HLCS: variants seen among roughly 807,000 people sequenced by gnomAD.
The protein encoded by HLCS is holocarboxylase synthetase.
A neutral mutation model predicts 75.0 loss-of-function variants in HLCS; 53 were observed. The ratio of observed to expected loss-of-function variants is 0.71; its 90% CI spans 0.57 to 0.89. The LOEUF is 0.89. Ranked by LOEUF, HLCS falls within the 40% of genes least tolerant of loss-of-function variation. The pLI is 0.00. For missense variants in HLCS, 966 were observed against 1,074.0 expected (o/e 0.90, Z 1.41); for synonymous variants, 431 against 428.6 (o/e 1.01, Z -0.07).
At chr21:36,816,408 A>AT (rs2061665878) in intron 6 of HLCS, among the ~76,000 whole-genome samples, 1 of 151,860 alleles carries the variant, frequency 6.6e-6, no homozygotes, top group Non-Finnish European at 1.5e-5. Flanking sequence ...AAAAAAAAAA[A>AT]ATGTGACTGT....
At chr21:36,911,176 G>A (rs573318382) in intron 5 of HLCS, among the ~76,000 whole-genome samples, 8 of 152,192 alleles carry the variant, frequency 5.3e-5, no homozygotes, top group Non-Finnish European at 8.8e-5. Context: ...CAGCCAAGTA[G>A]CCACCCTCAT....
At chr21:36,795,742 T>C (rs1167361341) in intron 6 of HLCS, among the ~76,000 whole-genome samples, 2 of 152,222 alleles carry the variant, frequency 1.3e-5, no homozygotes, top group Non-Finnish European at 2.9e-5. Context: ...TGTTTCCCTT[T>C]TGGAGGAACT....
chr21:36,847,870 C>G (rs2062850527), intron 6 of HLCS, among the ~76,000 whole-genome samples: 1 of 151,992 alleles, frequency 6.6e-6, no homozygotes, highest in Non-Finnish European at 1.5e-5. Flanking sequence ...TGGCAAAATT[C>G]TCTCATCTTC....
intron 5 of HLCS, among the ~76,000 whole-genome samples, chr21:36,910,366 G>A (rs182553223): frequency 1.3e-5 from 2 of 152,260 alleles, no homozygotes; most frequent in East Asian, 3.9e-4. Flanking sequence ...CCAACATGGT[G>A]AAACCCCATC....
chr21:36,838,336 A>C (rs1362444673), intron 6 of HLCS, among the ~76,000 whole-genome samples: 1 of 149,860 alleles, frequency 6.7e-6, no homozygotes, highest in Non-Finnish European at 1.5e-5. Context: ...ACACCCCCAC[A>C]ACCAACTCCT....
At chr21:36,819,884 T>C (rs1385352523) in intron 6 of HLCS, among the ~76,000 whole-genome samples, 2 of 152,186 alleles carry the variant, frequency 1.3e-5, no homozygotes, top group South Asian at 2.1e-4. Context: ...ATCTGAAAGA[T>C]TGCAAGTTCC....
chr21:36,791,773 G>T (rs937517479), intron 6 of HLCS, among the ~76,000 whole-genome samples: 4 of 152,062 alleles, frequency 2.6e-5, no homozygotes, highest in African/African-American at 9.7e-5. Context: ...GCTCCAAGGG[G>T]CCTGTTTGCT....
At chr21:36,894,934 A>G (rs1201365098) in intron 6 of HLCS, among the ~76,000 whole-genome samples, 3 of 151,718 alleles carry the variant, frequency 2.0e-5, no homozygotes, top group Non-Finnish European at 4.4e-5. Context: ...TTCTTTTTTC[A>G]CCCAAAAACA....
chr21:36,856,803 G>T (rs2063210697), intron 6 of HLCS, among the ~76,000 whole-genome samples: 1 of 152,190 alleles, frequency 6.6e-6, no homozygotes, highest in African/African-American at 2.4e-5. Flanking sequence ...ATGAGCCAGT[G>T]CATGAAACAG....
chr21:36,886,725 A>G (rs915090380), intron 6 of HLCS, among the ~76,000 whole-genome samples: 1 of 152,174 alleles, frequency 6.6e-6, no homozygotes, highest in African/African-American at 2.4e-5. Context: ...TCACTTTTGC[A>G]GGTGATTAAG....
chr21:36,883,687 T>C (rs1205609614), intron 6 of HLCS, among the ~76,000 whole-genome samples: 5 of 152,162 alleles, frequency 3.3e-5, no homozygotes, highest in Admixed American at 2.0e-4. Flanking sequence ...AAAGCACCTG[T>C]CTTCCTTGGT....
At chr21:36,798,847 CT>C (rs541198783) in intron 6 of HLCS, among the ~76,000 whole-genome samples, 5 of 152,138 alleles carry the variant, frequency 3.3e-5, no homozygotes, top group African/African-American at 1.2e-4. Flanking sequence ...GCTGAAGTGT[CT>C]TTTCAAATTT....
intron 1 of HLCS, among the ~76,000 whole-genome samples, chr21:36,975,356 C>T (rs1426887455): frequency 6.6e-6 from 1 of 152,088 alleles, no homozygotes; most frequent in African/African-American, 2.4e-5. Flanking sequence ...CCAGGCCCAG[C>T]TCAGCCCTCA....
chr21:36,890,148 C>G (rs13049458), intron 6 of HLCS, among the ~76,000 whole-genome samples: 3 of 152,058 alleles, frequency 2.0e-5, no homozygotes, highest in Non-Finnish European at 4.4e-5. Context: ...GATTGTAAGT[C>G]TCCTGAGGCC....
intron 2 of HLCS, among the ~76,000 whole-genome samples, chr21:36,953,431 A>C (rs974620553): frequency 4.6e-5 from 7 of 152,228 alleles, no homozygotes; most frequent in Non-Finnish European, 4.4e-5. Context: ...ACCAAGGAAG[A>C]AGATGAGGAA....
intron 6 of HLCS, among the ~76,000 whole-genome samples, chr21:36,840,429 T>A (rs1160474700): frequency 6.6e-6 from 1 of 152,110 alleles, no homozygotes; most frequent in Non-Finnish European, 1.5e-5. Flanking sequence ...CTGAAGAAAT[T>A]TTATAGTAAT....
chr21:36,819,302 G>T (rs2061755781), intron 6 of HLCS, among the ~76,000 whole-genome samples: 1 of 152,212 alleles, frequency 6.6e-6, no homozygotes, highest in Admixed American at 6.5e-5. Context: ...CCCCAGAGGG[G>T]TGTGGGCATG....
chr21:36,816,421 C>A (rs1393421298), intron 6 of HLCS, among the ~76,000 whole-genome samples: 1 of 151,724 alleles, frequency 6.6e-6, no homozygotes, highest in African/African-American at 2.4e-5. Context: ...GTGACTGTCA[C>A]TAGGCTGCTG....
chr21:36,852,999 T>A (rs1424438771), intron 6 of HLCS, among the ~76,000 whole-genome samples: 3 of 151,914 alleles, frequency 2.0e-5, no homozygotes, highest in Non-Finnish European at 2.9e-5. Flanking sequence ...AAACACAAAT[T>A]CTCTATCTTT....
Sources: gnomAD v4.1 joint callset for allele counts (sites outside exome capture counted in the v4.1 genomes callset) on GRCh38, gnomAD v4.1.1 for gene constraint, MANE v1.5 for transcripts, NCBI Gene and HGNC (gene_info 2026-07-23, HGNC 2026-07-21) for gene names.